The following CHRM3 variants were observed in gnomAD, a reference collection of about 807,000 sequenced individuals.
CHRM3 encodes the protein muscarinic acetylcholine receptor M3.
A neutral mutation model predicts 41.8 loss-of-function variants in CHRM3; 11 were observed. The ratio of observed to expected loss-of-function variants is 0.26; its 90% CI spans 0.17 to 0.44. The LOEUF is 0.44. Ranked by LOEUF, CHRM3 falls within the 20% of genes least tolerant of loss-of-function variation. CHRM3 has a pLI of 1.00. For missense variants in CHRM3, 571 were observed against 745.4 expected (o/e 0.77, Z 2.72); for synonymous variants, 297 against 301.4 (o/e 0.99, Z 0.15).
At chr1:239,753,428 G>A (rs1440037935) in intron 5 of CHRM3, among the ~76,000 whole-genome samples, 1 of 152,126 alleles carries the variant, frequency 6.6e-6, no homozygotes, top group Non-Finnish European at 1.5e-5. Context: ...TTACAATCAT[G>A]GCAGAAGGTG....
At chr1:239,765,587 T>C (rs892042907) in intron 5 of CHRM3, among the ~76,000 whole-genome samples, 5 of 152,192 alleles carry the variant, frequency 3.3e-5, no homozygotes, top group Admixed American at 6.5e-5. Flanking sequence ...CAGATTGGTA[T>C]TAAAAATCGA....
At position 239,387,429 on chromosome 1, in the gene CHRM3, C is replaced by T. The variant is rs183460435; in HGVS notation, c.-521+202C>T. 3.5e-4 allele frequency among the ~76,000 whole-genome samples: 53 copies of T among 152,124 alleles called. No individual in the cohort carries two copies. The highest frequency in any genetic ancestry group is 6.5e-4 in the Non-Finnish European group (44 of 67,988). On this transcript the variant is annotated intron_variant, in intron 1 of 6. Transcript: ENST00000676153. This position sits in a 1 kb window ranked among gnomAD's most constrained non-coding sequence, Gnocchi z 5.1. ...TGGGGAAGATGGGGGCACTTGAATT[C>T]CGACAGCGCGATCTGGTGCGGAGTT...
At chr1:239,702,972 A>G (rs1340982855) in intron 5 of CHRM3, among the ~76,000 whole-genome samples, 1 of 152,196 alleles carries the variant, frequency 6.6e-6, no homozygotes, top group Non-Finnish European at 1.5e-5. Context: ...CACAAATCCC[A>G]CAGACTGCTA....
rs199833854 is a variant in CHRM3, at chr1:239,908,897, C to T, written c.1446C>T (p.Ser482=). Residue 482 remains serine (S), a synonymous_variant, in exon 7 of 7, where the codon TCC becomes TCT. Coordinates refer to ENST00000676153, the MANE Select transcript of CHRM3 (RefSeq NM_001375978.1). This position sits in a 1 kb window ranked among gnomAD's most constrained non-coding sequence, Gnocchi z 7.2. ...RSQITKRKRM[S]LVKEKKAAQT... ...AGATCACTAAGCGGAAAAGGATGTCCCTGGTCAAGGAGAAGAAAGCGGCCC... is the reference window on the plus strand; with the variant it reads ...AGATCACTAAGCGGAAAAGGATGTCTCTGGTCAAGGAGAAGAAAGCGGCCC... The T allele has an allele frequency of 5.5e-5, 88 of 1,614,042 alleles. 2 individuals are homozygous for T. The Middle Eastern group carries it at 1.3e-3, about 24-fold the overall frequency.
chr1:239,641,851 T>G lies in CHRM3; in HGVS notation c.-250+9565T>G. Among the ~76,000 whole-genome samples the G allele has an allele frequency of 1.6e-5, 2 of 128,494 alleles. 1 individual carries two copies. Among genetic ancestry groups the G allele is most frequent in the South Asian group, 5.3e-4 (2 of 3,808 alleles). The allele number at this position is 128,494 out of a possible 152,430, so 84.3% of individuals were successfully genotyped here. A position where few individuals can be genotyped will look rare whatever the true frequency, so the allele number is the denominator to read the frequency against. ...TTTGCTCGTTAGTTGATGCAGTTTC[T>G]TCCTAGTCTTGATGGTCTTTACAAT... is the stretch of plus-strand genomic sequence containing the variant. On this transcript the variant is annotated intron_variant, in intron 4 of 6. Coordinates refer to ENST00000676153, the MANE Select transcript of CHRM3 (RefSeq NM_001375978.1).
intron 1 of CHRM3, among the ~76,000 whole-genome samples, chr1:239,402,902 G>T (rs1459917223): frequency 6.6e-6 from 1 of 152,116 alleles, no homozygotes. Flanking sequence ...ATTCAACATA[G>T]TACTGAGCAT....
Position 239,592,515 on chromosome 1 carries a change from A to G in CHRM3, c.-312-39709A>G, listed in dbSNP as rs575235392. 3.3e-5 allele frequency among the ~76,000 whole-genome samples: 5 copies of G among 152,292 alleles called. No individual in the cohort carries two copies. The South Asian group carries it at 8.3e-4, about 25-fold the overall frequency. On this transcript the variant is annotated intron_variant, in intron 3 of 6. Coordinates refer to ENST00000676153, the MANE Select transcript of CHRM3 (RefSeq NM_001375978.1). ...GATATCCCTATTTTTGAAATGTCAT[A>G]ATAAGTGGAATAATATTCCATAAGA...
intron 2 of CHRM3, among the ~76,000 whole-genome samples, chr1:239,513,808 G>A (rs1460364104): frequency 1.3e-5 from 2 of 151,990 alleles, no homozygotes; most frequent in Non-Finnish European, 2.9e-5. Context: ...TTTTATAAAT[G>A]TTTTAAGATC....
chr1:239,863,001 T>C (rs1292278293), intron 6 of CHRM3, among the ~76,000 whole-genome samples: 1 of 152,208 alleles, frequency 6.6e-6, no homozygotes, highest in Non-Finnish European at 1.5e-5. Flanking sequence ...CAGAATCTGT[T>C]TCCTTAAATA....
chr1:239,421,327 C>T (rs2103101412), intron 1 of CHRM3, among the ~76,000 whole-genome samples: 1 of 152,268 alleles, frequency 6.6e-6, no homozygotes, highest in East Asian at 1.9e-4. Flanking sequence ...CTCATATACC[C>T]ATTTTATTTT....
intron 3 of CHRM3, among the ~76,000 whole-genome samples, chr1:239,601,167 C>A (rs563652613): frequency 6.6e-6 from 1 of 152,222 alleles, no homozygotes; most frequent in East Asian, 1.9e-4. Context: ...ATGCTAGAAC[C>A]TTCATTTCAG....
intron 5 of CHRM3, chr1:239,707,463 AC>A (rs763256717): frequency 3.3e-5 from 5 of 152,182 alleles, no homozygotes; most frequent in Non-Finnish European, 7.3e-5. Context: ...CATTTTGCAA[AC>A]CTCAATGTTC....
At chr1:239,399,440 A>T (rs1334693270) in intron 1 of CHRM3, among the ~76,000 whole-genome samples, 2 of 151,276 alleles carry the variant, frequency 1.3e-5, no homozygotes, top group Non-Finnish European at 2.9e-5. Flanking sequence ...TGTACAATAG[A>T]TCTCTCAAAC....
At chr1:239,744,775 A>G (rs1214946021) in intron 5 of CHRM3, among the ~76,000 whole-genome samples, 1 of 152,134 alleles carries the variant, frequency 6.6e-6, no homozygotes, top group Non-Finnish European at 1.5e-5. Flanking sequence ...GGGCTGGTAA[A>G]TACCCATGGA....
At chr1:239,861,747 A>G (rs919916682) in intron 6 of CHRM3, among the ~76,000 whole-genome samples, 1 of 152,172 alleles carries the variant, frequency 6.6e-6, no homozygotes, top group Non-Finnish European at 1.5e-5. Context: ...TTTCCCTGAT[A>G]AATTTAGATC....
intron 2 of CHRM3, among the ~76,000 whole-genome samples, chr1:239,544,849 A>G (rs1659135006): frequency 6.6e-6 from 1 of 152,230 alleles, no homozygotes; most frequent in South Asian, 2.1e-4. Flanking sequence ...GTCACATTGT[A>G]GGACACGTAG....
At chr1:239,400,784 C>G (rs2102976002) in intron 1 of CHRM3, among the ~76,000 whole-genome samples, 1 of 152,208 alleles carries the variant, frequency 6.6e-6, no homozygotes, top group Non-Finnish European at 1.5e-5. Context: ...TTTTTGGGCT[C>G]TTTATTCCAT....
At chr1:239,709,987 T>A (rs888572658) in intron 5 of CHRM3, among the ~76,000 whole-genome samples, 6 of 152,178 alleles carry the variant, frequency 3.9e-5, no homozygotes, top group Admixed American at 6.5e-5. Context: ...AACTCTGCAG[T>A]CCTCCTCCAC....
At chr1:239,795,122 TA>T (rs1247971771) in intron 5 of CHRM3, among the ~76,000 whole-genome samples, 17 of 152,332 alleles carry the variant, frequency 1.1e-4, no homozygotes, top group Non-Finnish European at 2.1e-4. Flanking sequence ...AAAAACAATG[TA>T]TTTTTTTTAA....
Sources: gnomAD v4.1 joint callset for allele counts (sites outside exome capture counted in the v4.1 genomes callset) on GRCh38, gnomAD v4.1.1 for gene constraint, Gnocchi (gnomAD v3.1) non-coding constraint, MANE v1.5 for transcripts, NCBI Gene and HGNC (gene_info 2026-07-23, HGNC 2026-07-21) for gene names.